Variants in TNN observed in about 807,000 individuals in gnomAD.
The protein encoded by TNN is tenascin-N.
Under a neutral mutation model 134.4 loss-of-function variants are expected in TNN, and 122 were observed. That is an observed-to-expected ratio of 0.91 (90% CI 0.78 to 1.06). The LOEUF is 1.06. Ranked by LOEUF, TNN falls within the 50% of genes least tolerant of loss-of-function variation. The pLI, the probability that TNN is intolerant of heterozygous loss-of-function variation, is 0.00. For synonymous variants in TNN, 710 were observed against 670.3 expected, an observed-to-expected ratio of 1.06 and a Z score of -0.91; for missense variants, 1,739 against 1,699.4, an observed-to-expected ratio of 1.02 and a Z score of -0.41.
chr1:175,118,658 G>T lies in TNN; in HGVS notation c.2484G>T (p.Val828=), dbSNP rs763729305. 3.7e-6 allele frequency: 6 copies of T among 1,614,098 alleles called. No individual in the cohort carries two copies. The East Asian group carries it at 1.1e-4, about 30-fold the overall frequency. Residue 828 remains valine (V), a synonymous_variant, in exon 11 of 19, where the codon GTG becomes GTT. Transcript: ENST00000239462. The part of the protein sequence containing the change: ...DPVQATIDRY[V]VHYTSANGET... ...TGCAGGCCACCATTGACAGGTATGTGGTGCACTACACGTCTGCCAACGGAG... is the reference window on the plus strand; with the variant it reads ...TGCAGGCCACCATTGACAGGTATGTTGTGCACTACACGTCTGCCAACGGAG...
rs572208115 is a variant in TNN at position 175,146,123 on chromosome 1, C to A, written c.3760-808C>A. Among the ~76,000 whole-genome samples, 6 of 152,240 alleles carry A rather than the reference C, an allele frequency of 3.9e-5. No individual in the cohort carries two copies. The East Asian group carries it at 1.2e-3, about 29-fold the overall frequency. ...TTTCAAAGGGAAGAAGAAATTTGCC[C>A]CCAGGGAAGCTGGGGAGGGTGGGCC... is the stretch of plus-strand genomic sequence containing the variant. On this transcript the variant is annotated intron_variant, in intron 18 of 18. Coordinates refer to ENST00000239462, the MANE Select transcript of TNN (RefSeq NM_022093.2).
intron 9 of TNN, among the ~76,000 whole-genome samples, chr1:175,102,116 T>C (rs959907699): frequency 7.0e-6 from 1 of 142,260 alleles, no homozygotes; most frequent in Non-Finnish European, 1.6e-5. Flanking sequence ...TACAGAGTGT[T>C]GATTGGTGCA....
chr1:175,126,583 C>T (rs190737496), intron 12 of TNN, among the ~76,000 whole-genome samples: 1 of 152,230 alleles, frequency 6.6e-6, no homozygotes, highest in East Asian at 1.9e-4. Flanking sequence ...TGTGCATGGC[C>T]CTTTCAGATC....
At chr1:175,136,769 T>C in intron 16 of TNN, 52 bp from the exon 17 acceptor site, 1 of 1,567,876 alleles carries the variant, frequency 6.4e-7, no homozygotes, top group Non-Finnish European at 8.7e-7. Context: ...GTTGAGTGCT[T>C]ACTCGCACAC....
At chr1:175,120,763 G>T (rs912679059) in intron 11 of TNN, among the ~76,000 whole-genome samples, 1 of 152,182 alleles carries the variant, frequency 6.6e-6, no homozygotes, top group African/African-American at 2.4e-5. Flanking sequence ...GACCAACACA[G>T]CAGCTGCTAG....
chr1:175,108,871 G>A (rs1246435340), intron 9 of TNN, among the ~76,000 whole-genome samples: 2 of 150,492 alleles, frequency 1.3e-5, no homozygotes, highest in Admixed American at 6.6e-5. Flanking sequence ...TGAGGGAGTG[G>A]GCTCCAGCCT....
chr1:175,127,028 C>T lies in TNN; in HGVS notation c.2988C>T (p.Pro996=). ...QSGGILTWTP[P]SAQIHGYILT... is the part of the protein sequence containing the mutation. ...GTGGCATATTGACCTGGACGCCCCC[C>T]TCTGCTCAGATCCACGGCTACATTC... is the stretch of plus-strand genomic sequence containing the variant. Residue 996 remains proline, a synonymous_variant, in exon 13 of 19, where the codon CCC becomes CCT. Transcript: ENST00000239462. 2 of 1,614,180 alleles carry T rather than the reference C, an allele frequency of 1.2e-6. No homozygotes were observed. Among genetic ancestry groups the T allele is most frequent in the Non-Finnish European group, 1.7e-6 (2 of 1,180,018 alleles).
intron 9 of TNN, among the ~76,000 whole-genome samples, chr1:175,099,603 T>G (rs1674666512): frequency 2.8e-5 from 1 of 35,146 alleles, no homozygotes; most frequent in African/African-American, 1.4e-4. Context: ...GGAGGAGAGG[T>G]GAGGGGTCAG....
Position 175,098,364 on chromosome 1 carries a change from C to T in TNN, c.1888C>T (p.Arg630Trp), listed in dbSNP as rs751113830. 1.5e-5 allele frequency: 24 copies of T among 1,614,000 alleles called. No individual in the cohort carries two copies. Among genetic ancestry groups the T allele is most frequent in the South Asian group, 2.2e-5 (2 of 91,080 alleles). Residue 630 changes from arginine (R) to tryptophan (W), a missense_variant, in exon 9 of 19, where the codon CGG becomes TGG. Transcript: ENST00000239462. ...CAGCCCCAAAAACCTGGTGACTGAC[C>T]GGGTGACAGAGAATATGGCCACGGT... is the stretch of plus-strand genomic sequence containing the variant. ...IDSPKNLVTD[R>W]VTENMATVSW... is the part of the protein sequence containing the mutation.
At chr1:175,135,041 C>T (rs991182977) in intron 15 of TNN, among the ~76,000 whole-genome samples, 73 of 152,164 alleles carry the variant, frequency 4.8e-4, no homozygotes, top group African/African-American at 1.7e-3. Context: ...CCTCAGCCCC[C>T]AGAAGCCCCA....
chr1:175,077,599 G>C lies in TNN; in HGVS notation c.181G>C (p.Asp61His). The C allele has an allele frequency of 1.2e-6, 2 of 1,614,232 alleles. No individual in the cohort carries two copies. Among genetic ancestry groups the C allele is most frequent in the Non-Finnish European group, 1.7e-6 (2 of 1,180,040 alleles). Residue 61 changes from aspartate (D) to histidine (H), a missense_variant, in exon 2 of 19, where the codon GAC becomes CAC. Coordinates refer to ENST00000239462, the MANE Select transcript of TNN (RefSeq NM_022093.2). ...GTCTGCCTTGGTTCAGGTTGACGCT[G>C]ACCCTCAGCCCCTCAGTGACGATGG... Reference protein sequence around the residue: ...PKSALVQVDADPQPLSDDGAS... With the variant: ...PKSALVQVDAHPQPLSDDGAS...
At chr1:175,105,037 G>C (rs986714683) in intron 9 of TNN, among the ~76,000 whole-genome samples, 1 of 146,086 alleles carries the variant, frequency 6.8e-6, no homozygotes, top group Non-Finnish European at 1.5e-5. Flanking sequence ...CAGTAGGGAA[G>C]TTGTCCCTTT....
chr1:175,115,931 A>G (rs1019855871), intron 9 of TNN, among the ~76,000 whole-genome samples: 1 of 152,138 alleles, frequency 6.6e-6, no homozygotes, highest in Non-Finnish European at 1.5e-5. Flanking sequence ...TACCTGGGCA[A>G]TGGGGTGGTG....
chr1:175,109,052 T>C (rs1674946297), intron 9 of TNN, among the ~76,000 whole-genome samples: 1 of 149,754 alleles, frequency 6.7e-6, no homozygotes, highest in South Asian at 2.1e-4. Context: ...CACTAGAATG[T>C]ATTTCTTCTA....
Position 175,135,843 on chromosome 1 carries a change from AG to A in TNN, c.3331del. Reference sequence around the variant, plus strand: ...GAGTGAAGTATTCATCTTCCTTCTCAGGTCTTCCAGAGGCGGAACACTGGGC... The same window carrying A: ...GAGTGAAGTATTCATCTTCCTTCTCAGTCTTCCAGAGGCGGAACACTGGGC... On this transcript the variant is annotated splice_acceptor_variant, in intron 15 of 18. Transcript: ENST00000239462. LOFTEE classifies it high-confidence loss of function. 1 of 1,611,998 alleles carries A rather than the reference AG, an allele frequency of 6.2e-7. No individual in the cohort carries two copies. Among genetic ancestry groups the A allele is most frequent in the Admixed American group, 1.7e-5 (1 of 60,006 alleles).
At chr1:175,126,100 C>G (rs1328545098) in intron 12 of TNN, among the ~76,000 whole-genome samples, 10 of 60,344 alleles carry the variant, frequency 1.7e-4, no homozygotes, top group Admixed American at 6.0e-4. Flanking sequence ...CTTTTTGTTT[C>G]TTTCTTTTTT....
chr1:175,129,118 A>G (rs1464389887), intron 15 of TNN, among the ~76,000 whole-genome samples: 2 of 152,204 alleles, frequency 1.3e-5, no homozygotes, highest in African/African-American at 2.4e-5. Flanking sequence ...TTGTTTATAT[A>G]TAGGATAAAA....
chr1:175,092,631 T>C (rs1194785647), intron 6 of TNN, among the ~76,000 whole-genome samples: 2 of 152,182 alleles, frequency 1.3e-5, no homozygotes, highest in East Asian at 3.8e-4. Context: ...AGTGGAAATG[T>C]ATAGTCTTTG....
Position 175,077,848 on chromosome 1 carries a change from T to A in TNN, c.409+21T>A, listed in dbSNP as rs563098478. On this transcript the variant is annotated intron_variant, in intron 2 of 18. Transcript: ENST00000239462. ...CACTGGTGAGCTCACCACCTGGTATTCATTCAACAAACATTTGATGAGCAC... is the reference window on the plus strand; with the variant it reads ...CACTGGTGAGCTCACCACCTGGTATACATTCAACAAACATTTGATGAGCAC... The A allele has an allele frequency of 2.6e-5, 42 of 1,597,960 alleles. No individual in the cohort carries two copies. In the East Asian group the frequency reaches 8.5e-4, roughly 32 times the overall value.
Sources: gnomAD v4.1 joint callset for allele counts (sites outside exome capture counted in the v4.1 genomes callset) on GRCh38, gnomAD v4.1.1 for gene constraint, MANE v1.5 for transcripts, NCBI Gene and HGNC (gene_info 2026-07-23, HGNC 2026-07-21) for gene names.